Variants in NAALADL2 observed in about 807,000 individuals in gnomAD.
NAALADL2 encodes inactive N-acetylated-alpha-linked acidic dipeptidase-like protein 2.
Under a neutral mutation model 87.2 loss-of-function variants are expected in NAALADL2, and 76 were observed. That is an observed-to-expected ratio of 0.87 (90% confidence interval 0.72 to 1.05). NAALADL2 has a LOEUF of 1.05. Ranked by LOEUF, NAALADL2 falls within the 50% of genes least tolerant of loss-of-function variation. The probability of loss-of-function intolerance (pLI) is 0.00; values close to 1 mark genes in which losing one functional copy is unlikely to be tolerated. For missense variants in NAALADL2, 1,089 were observed against 945.8 expected (o/e 1.15, Z -1.99); for synonymous variants, 354 against 331.0 (o/e 1.07, Z -0.75).
chr3:174,642,798 T>C (rs1485476598), intron 2 of NAALADL2, among the ~76,000 whole-genome samples: 43 of 140,654 alleles, frequency 3.1e-4, no homozygotes, highest in Non-Finnish European at 5.6e-4. Flanking sequence ...ATGTTTTTTT[T>C]CATGAAACTG....
chr3:175,776,747 G>A (rs891845308), intron 13 of NAALADL2, among the ~76,000 whole-genome samples: 2 of 152,032 alleles, frequency 1.3e-5, no homozygotes, highest in African/African-American at 4.8e-5. Context: ...TATCAAAAGG[G>A]GCAGACATTT....
Position 174,465,065 on chromosome 3 carries a change from T to C in NAALADL2, c.-184+24033T>C. ...AAAGTATATTGGTAATTTTAAAGTA[T>C]ATGTAATGTGAATATTTATTATATT... is the stretch of plus-strand genomic sequence containing the variant. On this transcript the variant is annotated intron_variant, in intron 1 of 3. Transcript: ENST00000434257. Among the ~76,000 whole-genome samples the C allele has an allele frequency of 1.3e-5, 2 of 152,142 alleles. 1 individual carries two copies. Among genetic ancestry groups the C allele is most frequent in the Non-Finnish European group, 2.9e-5 (2 of 67,980 alleles).
chr3:175,603,490 G>C (rs1723238497), intron 10 of NAALADL2, among the ~76,000 whole-genome samples: 1 of 151,900 alleles, frequency 6.6e-6, no homozygotes, highest in African/African-American at 2.4e-5. Flanking sequence ...CTCCCTCCAG[G>C]CCCTGACAAC....
intron 1 of NAALADL2, among the ~76,000 whole-genome samples, chr3:174,469,382 G>A (rs529119422): frequency 2.7e-5 from 4 of 150,424 alleles, no homozygotes; most frequent in Non-Finnish European, 4.4e-5. Flanking sequence ...GTCAGCCTCC[G>A]GAATAACTGG....
At chr3:175,295,391 C>T (rs1756186234) in intron 4 of NAALADL2, among the ~76,000 whole-genome samples, 1 of 152,064 alleles carries the variant, frequency 6.6e-6, no homozygotes, top group Admixed American at 6.6e-5. Flanking sequence ...TTCCTGTGCC[C>T]TTTCTACTTC....
chr3:174,467,650 TTAAA>T (rs150119488), intron 1 of NAALADL2, among the ~76,000 whole-genome samples: 2,628 of 143,830 alleles, frequency 0.018, 77 homozygotes, highest in African/African-American at 0.063. Flanking sequence ...TAAGAATTGG[TTAAA>T]TAAACAATTA....
intron 5 of NAALADL2, among the ~76,000 whole-genome samples, chr3:175,378,874 C>T (rs1381777173): frequency 6.6e-6 from 1 of 152,150 alleles, no homozygotes; most frequent in South Asian, 2.1e-4. Flanking sequence ...AAACTTTAGG[C>T]ACTTATAAAT....
At chr3:175,360,820 G>GTGTGTA (rs745606999) in intron 5 of NAALADL2, among the ~76,000 whole-genome samples, 1 of 107,122 alleles carries the variant, frequency 9.3e-6, no homozygotes, top group African/African-American at 3.8e-5. Context: ...CTGTGTGTGT[G>GTGTGTA]TGTGTATGTG....
chr3:175,096,646 AAATAT>A, intron 1 of NAALADL2, 139 bp from the exon 2 acceptor site: 1 of 420,620 alleles, frequency 2.4e-6, no homozygotes, highest in Non-Finnish European at 4.0e-6. Flanking sequence ...TAATTAAATA[AAATAT>A]GAGTTTCTAT....
At chr3:174,608,222 A>C (rs12490548) in intron 2 of NAALADL2, among the ~76,000 whole-genome samples, 23,910 of 151,102 alleles carry the variant, frequency 0.16, 2,138 homozygotes, top group African/African-American at 0.23. Flanking sequence ...CAGGAAAGAT[A>C]CAAAATTGAC....
At chr3:175,666,766 C>T (rs1226649098) in intron 11 of NAALADL2, among the ~76,000 whole-genome samples, 1 of 151,810 alleles carries the variant, frequency 6.6e-6, no homozygotes, top group Non-Finnish European at 1.5e-5. Flanking sequence ...AGTCTTAGCA[C>T]CTTAGTAGTG....
At chr3:175,550,848 C>G (rs1179640975) in intron 9 of NAALADL2, among the ~76,000 whole-genome samples, 1 of 152,180 alleles carries the variant, frequency 6.6e-6, no homozygotes, top group African/African-American at 2.4e-5. Context: ...GGAAAACTCA[C>G]ATATGCCTAA....
At chr3:175,044,601 G>A (rs60954963) in intron 1 of NAALADL2, among the ~76,000 whole-genome samples, 36,000 of 151,864 alleles carry the variant, frequency 0.24, 4,458 homozygotes, top group East Asian at 0.38. Flanking sequence ...GTCACTTCAG[G>A]TATTTTTTAT....
intron 3 of NAALADL2, among the ~76,000 whole-genome samples, chr3:175,250,030 G>A (rs931115420): frequency 4.6e-5 from 7 of 152,018 alleles, no homozygotes; most frequent in African/African-American, 1.7e-4. Context: ...TTAGCCGGGC[G>A]TGGTGGCGCA....
At chr3:175,481,064 A>G (rs961333259) in intron 9 of NAALADL2, among the ~76,000 whole-genome samples, 9 of 151,816 alleles carry the variant, frequency 5.9e-5, no homozygotes, top group Admixed American at 5.3e-4. Flanking sequence ...GCGATCTGTA[A>G]TTTTTTCCTT....
intron 9 of NAALADL2, among the ~76,000 whole-genome samples, chr3:175,526,772 A>C (rs1733473658): frequency 3.9e-5 from 6 of 152,198 alleles, no homozygotes; most frequent in Admixed American, 3.9e-4. Flanking sequence ...CCACGGGTCC[A>C]CCAGCAGAGA....
Position 175,324,259 on chromosome 3 carries a change from CATG to C in NAALADL2, c.1027_1029del (p.Asp343del). On this transcript the variant is annotated inframe_deletion, in exon 5 of 14. Coordinates refer to ENST00000454872, the MANE Select transcript of NAALADL2 (RefSeq NM_207015.3). ...TTTGCCAAAGACTGTGAATCCTAGC[CATG>C]ATACCTTCATGGTGTCACTGAATCC... is the stretch of plus-strand genomic sequence containing the variant. The C allele has an allele frequency of 6.2e-7, 1 of 1,613,606 alleles. No individual in the cohort carries two copies. Among genetic ancestry groups the C allele is most frequent in the East Asian group, 2.2e-5 (1 of 44,848 alleles).
chr3:175,083,773 C>G (rs555969319), intron 1 of NAALADL2, among the ~76,000 whole-genome samples: 1 of 152,196 alleles, frequency 6.6e-6, no homozygotes, highest in Admixed American at 6.5e-5. Context: ...GTTAAAATAC[C>G]TACCACCAAA....
intron 1 of NAALADL2, among the ~76,000 whole-genome samples, chr3:174,537,434 G>A (rs1721824272): frequency 6.6e-6 from 1 of 152,108 alleles, no homozygotes; most frequent in Non-Finnish European, 1.5e-5. Context: ...ATTTCTCTTT[G>A]AAATAGCGTT....
Sources: gnomAD v4.1 joint callset for allele counts (sites outside exome capture counted in the v4.1 genomes callset) on GRCh38, gnomAD v4.1.1 for gene constraint, MANE v1.5 for transcripts, NCBI Gene and HGNC (gene_info 2026-07-23, HGNC 2026-07-21) for gene names.